PPP6R2: variants seen among roughly 807,000 people sequenced by gnomAD.
PPP6R2 encodes the protein serine/threonine-protein phosphatase 6 regulatory subunit 2.
A neutral mutation model predicts 100.2 loss-of-function variants in PPP6R2; 62 were observed. The ratio of observed to expected loss-of-function variants is 0.62; its 90% CI spans 0.50 to 0.76. The LOEUF (loss-of-function observed/expected upper bound fraction) is 0.76, where lower values mean the gene tolerates loss of function less well. Ranked by LOEUF, PPP6R2 falls within the 30% of genes least tolerant of loss-of-function variation. The pLI, the probability that PPP6R2 is intolerant of heterozygous loss-of-function variation, is 0.00. For synonymous variants in PPP6R2, 525 were observed against 514.7 expected (o/e 1.02, Z -0.27); for missense variants, 1,142 against 1,276.3 (o/e 0.89, Z 1.60).
intron 1 of PPP6R2, among the ~76,000 whole-genome samples, chr22:50,370,452 T>A (rs979257323): frequency 4.0e-5 from 6 of 150,468 alleles, no homozygotes; most frequent in Non-Finnish European, 7.4e-5. Context: ...CACGCCCAGC[T>A]AATTTTTTGT....
At chr22:50,350,732 C>T (rs2044896477) in intron 1 of PPP6R2, among the ~76,000 whole-genome samples, 1 of 151,100 alleles carries the variant, frequency 6.6e-6, no homozygotes, top group Non-Finnish European at 1.5e-5. Context: ...GTAGTCTCAG[C>T]TACTTGGGAG....
intron 7 of PPP6R2, 49 bp from the exon 8 acceptor site, chr22:50,419,298 TTG>T (rs761122372): frequency 6.1e-6 from 9 of 1,481,244 alleles, no homozygotes; most frequent in Admixed American, 1.7e-5. Context: ...CTTGCATCCT[TTG>T]TGTGTGTGTC....
chr22:50,356,847 T>C (rs1209981556), intron 1 of PPP6R2, among the ~76,000 whole-genome samples: 1 of 151,864 alleles, frequency 6.6e-6, no homozygotes, highest in Admixed American at 6.6e-5. Context: ...GGCAGGAGAA[T>C]TGCTTGAACC....
chr22:50,441,944 G>A (rs900684818), intron 22 of PPP6R2, among the ~76,000 whole-genome samples: 1 of 152,132 alleles, frequency 6.6e-6, no homozygotes, highest in Non-Finnish European at 1.5e-5. Context: ...ACCCAGCAAC[G>A]GCACAGCTGT....
rs1255551328 is a variant in PPP6R2 at position 50,394,259 on chromosome 22, C to T, written c.227+124C>T. ...AGAAGCGAGCCGTAAAAATCCACCCCATGTGAGAAGTGAGGAGGGCACTCC... is the reference window on the plus strand; with the variant it reads ...AGAAGCGAGCCGTAAAAATCCACCCTATGTGAGAAGTGAGGAGGGCACTCC... On this transcript the variant is annotated intron_variant, in intron 3 of 23. Coordinates refer to ENST00000612753, the MANE Select transcript of PPP6R2 (RefSeq NM_001242898.2). 2.1e-6 allele frequency: 3 copies of T among 1,441,044 alleles called. No individual in the cohort carries two copies. The African/African-American group carries it at 4.2e-5, about 20-fold the overall frequency. 89.3% of individuals were successfully genotyped at this position (1,441,044 alleles called of 1,614,324 possible).
At chr22:50,420,801 G>A (rs1036132192) in intron 8 of PPP6R2, among the ~76,000 whole-genome samples, 1 of 152,196 alleles carries the variant, frequency 6.6e-6, no homozygotes, top group Admixed American at 6.5e-5. Context: ...TCCCCTCCTG[G>A]CCTCACCCTG....
At chr22:50,388,028 C>T (rs904912516) in intron 2 of PPP6R2, among the ~76,000 whole-genome samples, 1 of 152,034 alleles carries the variant, frequency 6.6e-6, no homozygotes, top group Non-Finnish European at 1.5e-5. Context: ...AGTGGCTGGG[C>T]GCCAGTGGCT....
At chr22:50,393,864 A>C in intron 2 of PPP6R2, 29 bp from the exon 3 acceptor site, 1 of 1,612,078 alleles carries the variant, frequency 6.2e-7, no homozygotes, top group South Asian at 1.1e-5. Context: ...CAAGGGTGAG[A>C]GACGTGACCC....
At chr22:50,384,414 G>A (rs1262139169) in intron 2 of PPP6R2, among the ~76,000 whole-genome samples, 2 of 152,240 alleles carry the variant, frequency 1.3e-5, no homozygotes, top group East Asian at 1.9e-4. Context: ...AATTAGCCGG[G>A]CGTCGTGGCG....
chr22:50,395,805 A>C (rs563034098), intron 3 of PPP6R2, among the ~76,000 whole-genome samples: 94 of 150,902 alleles, frequency 6.2e-4, no homozygotes, highest in African/African-American at 2.3e-3. Flanking sequence ...GGGCTCAAGC[A>C]ATCCACCCAC....
At chr22:50,370,145 CT>C (rs58582498) in intron 1 of PPP6R2, among the ~76,000 whole-genome samples, 2,063 of 151,338 alleles carry the variant, frequency 0.014, 19 homozygotes, top group East Asian at 0.027. Flanking sequence ...GTGATCGACA[CT>C]TTTTTTTTAT....
chr22:50,369,663 G>A (rs1301057828), intron 1 of PPP6R2, among the ~76,000 whole-genome samples: 1 of 151,928 alleles, frequency 6.6e-6, no homozygotes, highest in African/African-American at 2.4e-5. Context: ...AGAGGCGTAC[G>A]CCCGGCTAAT....
intron 3 of PPP6R2, among the ~76,000 whole-genome samples, chr22:50,396,195 C>T (rs921789663): frequency 1.2e-4 from 6 of 51,616 alleles, no homozygotes; most frequent in African/African-American, 4.2e-4. Flanking sequence ...GACTCTGGCT[C>T]AAAAAAAAAA....
rs532994023 is a variant in PPP6R2 at position 50,359,643 on chromosome 22, C to T, written c.-147-12377C>T. 2.6e-5 allele frequency among the ~76,000 whole-genome samples: 4 copies of T among 152,148 alleles called. No homozygotes were observed. In the South Asian group the frequency reaches 6.2e-4, roughly 24 times the overall value. ...GTGATATGTTAAATTAATTGATTTT[C>T]GGGTGTTAAAGCAAGCTTGCATTCT... On this transcript the variant is annotated intron_variant, in intron 1 of 23. Coordinates refer to ENST00000612753, the MANE Select transcript of PPP6R2 (RefSeq NM_001242898.2).
chr22:50,423,864 G>A lies in PPP6R2; in HGVS notation c.1125+250G>A, dbSNP rs772946882. Among the ~76,000 whole-genome samples, 1 of 152,194 alleles carries A rather than the reference G, an allele frequency of 6.6e-6. No homozygotes were observed. Among genetic ancestry groups the A allele is most frequent in the Admixed American group, 6.5e-5 (1 of 15,280 alleles). On this transcript the variant is annotated intron_variant, in intron 10 of 23. Coordinates refer to ENST00000612753, the MANE Select transcript of PPP6R2 (RefSeq NM_001242898.2). The surrounding 1 kb of genome is among the most constrained non-coding windows in gnomAD (Gnocchi z 4.8). ...TAGAATTGCCCTGAAAGCAGAAGGC[G>A]GATTTCTAACCCGGTTTGATGGAAT...
rs192246642 is a variant in PPP6R2, at chr22:50,406,161, G to A, written c.228-528G>A. The stretch of plus-strand genomic sequence containing the variant: ...TGGAGAGAGGCGAGAGGCCTGGAGA[G>A]AGGCGAGAGGCCTGGAGAGAGGTGA... On this transcript the variant is annotated intron_variant, in intron 3 of 23. Coordinates refer to ENST00000612753, the MANE Select transcript of PPP6R2 (RefSeq NM_001242898.2). Among the ~76,000 whole-genome samples the A allele has an allele frequency of 3.2e-3, 466 of 146,802 alleles. 7 individuals are homozygous for A. The highest frequency in any genetic ancestry group is 0.011 in the African/African-American group (430 of 38,680).
At chr22:50,365,444 C>T (rs879930356) in intron 1 of PPP6R2, among the ~76,000 whole-genome samples, 71 of 151,816 alleles carry the variant, frequency 4.7e-4, no homozygotes, top group Middle Eastern at 3.4e-3. Flanking sequence ...TTTCGGAGGC[C>T]GAGGTGGGTG....
At chr22:50,413,812 GCTGGGTCTACCCCAGCCCCCAGCC>G (rs750585264) in intron 4 of PPP6R2, among the ~76,000 whole-genome samples, 58 of 152,124 alleles carry the variant, frequency 3.8e-4, no homozygotes, top group Non-Finnish European at 7.8e-4. Flanking sequence ...CCAGTGGAGG[GCTGGGTCTACCCCAGCCCCCAGCC>G]CAGTAGCCTG....
chr22:50,347,618 A>C lies in PPP6R2; in HGVS notation c.-148+4068A>C, dbSNP rs1470325103. ...ACTGACTCCTCCCAATTTGCTGCTC[A>C]TTCCCTGACCTGTCAGCACCAGCTC... On this transcript the variant is annotated intron_variant, in intron 1 of 23. Coordinates refer to ENST00000612753, the MANE Select transcript of PPP6R2 (RefSeq NM_001242898.2). Among the ~76,000 whole-genome samples, 4 of 151,842 alleles carry C rather than the reference A, an allele frequency of 2.6e-5. 1 individual carries two copies. Among genetic ancestry groups the C allele is most frequent in the African/African-American group, 9.7e-5 (4 of 41,316 alleles).
Sources: allele counts gnomAD v4.1 joint callset (sites outside exome capture counted in the v4.1 genomes callset), GRCh38; gene constraint gnomAD v4.1.1; non-coding constraint Gnocchi (gnomAD v3.1); transcripts MANE v1.5; gene names NCBI Gene and HGNC (gene_info 2026-07-23, HGNC 2026-07-21).